The following CEACAM21 variants were observed in gnomAD, a reference collection of about 807,000 sequenced individuals.
The protein encoded by CEACAM21 is CEA cell adhesion molecule 21, also known as cell adhesion molecule CEACAM21.
A neutral mutation model predicts 33.2 loss-of-function variants in CEACAM21; 38 were observed. The observed-to-expected ratio is 1.14, with a 90% CI of 0.88 to 1.50. CEACAM21 has a LOEUF of 1.50. Ranked by LOEUF, CEACAM21 falls within the 40% of genes most tolerant of loss-of-function variation. The pLI is 0.00. For synonymous variants in CEACAM21, 156 were observed against 143.0 expected, an observed-to-expected ratio of 1.09 and a Z score of -0.65; for missense variants, 385 against 364.6, an observed-to-expected ratio of 1.06 and a Z score of -0.46.
chr19:41,567,194 G>T (rs1199364386), intron 2 of CEACAM21, among the ~76,000 whole-genome samples: 1 of 152,100 alleles, frequency 6.6e-6, no homozygotes, highest in Non-Finnish European at 1.5e-5. Flanking sequence ...TCAATTAATT[G>T]CACATTAAGT....
At chr19:41,584,032 G>A (rs1568620518) in intron 3 of CEACAM21, among the ~76,000 whole-genome samples, 2 of 152,120 alleles carry the variant, frequency 1.3e-5, no homozygotes, top group Admixed American at 1.3e-4. Flanking sequence ...ACTGCCATGG[G>A]ATGGAAAAAA....
chr19:41,578,510 C>T (rs2043125221), intron 2 of CEACAM21, among the ~76,000 whole-genome samples: 1 of 152,158 alleles, frequency 6.6e-6, no homozygotes. Flanking sequence ...CGTCACACCA[C>T]CGTGTGTCTG....
intron 1 of CEACAM21, among the ~76,000 whole-genome samples, chr19:41,560,847 T>A (rs1160546893): frequency 6.6e-6 from 1 of 152,076 alleles, no homozygotes; most frequent in Non-Finnish European, 1.5e-5. Flanking sequence ...AAAAAGAGCG[T>A]CTACAAAATG....
At chr19:41,582,669 G>A (rs1169919621) in intron 3 of CEACAM21, among the ~76,000 whole-genome samples, 1 of 152,234 alleles carries the variant, frequency 6.6e-6, no homozygotes, top group African/African-American at 2.4e-5. Context: ...ACCCTCTGAA[G>A]CCATGGCCCC....
intron 2 of CEACAM21, among the ~76,000 whole-genome samples, chr19:41,566,695 A>T (rs2122192465): frequency 6.6e-6 from 1 of 152,336 alleles, no homozygotes; most frequent in African/African-American, 2.4e-5. Context: ...TTTTCTTGTT[A>T]AAGTTTTAAA....
chr19:41,577,483 C>G lies in CEACAM21; in HGVS notation c.348C>G (p.Asp116Glu). 6.2e-7 allele frequency: 1 copy of G among 1,614,052 alleles called. No individual in the cohort carries two copies. The highest frequency in any genetic ancestry group is 8.5e-7 in the Non-Finnish European group (1 of 1,180,008). ...ATTTCCAGAACGTCACCCTAGAGGA[C>G]ACGGGATACTACAACCTACAAGTCA... is the stretch of plus-strand genomic sequence containing the variant. The part of the protein sequence containing the change: ...DLHFQNVTLE[D>E]TGYYNLQVTY... Residue 116 changes from aspartate (D) to glutamate (E), a missense_variant, in exon 2 of 7, where the codon GAC (aspartate) becomes GAG (glutamate). Physicochemically the swap from Asp to Glu is conservative, Grantham distance 45 (BLOSUM62 2). Coordinates refer to ENST00000401445, the MANE Select transcript of CEACAM21 (RefSeq NM_001098506.4).
At chr19:41,582,460 A>G (rs1159513388) in intron 3 of CEACAM21, among the ~76,000 whole-genome samples, 1 of 152,162 alleles carries the variant, frequency 6.6e-6, no homozygotes, top group East Asian at 1.9e-4. Context: ...CGGGGTTCCA[A>G]CCCCACATTT....
At chr19:41,553,109 C>T (rs1396380213) in intron 1 of CEACAM21, among the ~76,000 whole-genome samples, 14 of 151,974 alleles carry the variant, frequency 9.2e-5, no homozygotes, top group Admixed American at 7.9e-4. Flanking sequence ...TAACTTCCCT[C>T]TCTCCAGTTA....
chr19:41,559,703 G>A (rs1328978105), intron 1 of CEACAM21, among the ~76,000 whole-genome samples: 2 of 152,188 alleles, frequency 1.3e-5, no homozygotes, highest in Non-Finnish European at 2.9e-5. Context: ...AATGGCAACA[G>A]TTACAGACAA....
chr19:41,556,584 T>C (rs149444384), intron 1 of CEACAM21, among the ~76,000 whole-genome samples: 9 of 152,250 alleles, frequency 5.9e-5, no homozygotes, highest in Non-Finnish European at 1.2e-4. Flanking sequence ...ATTTCCACTC[T>C]TTAAACTTTT....
At chr19:41,580,320 T>A (rs551813457) in intron 3 of CEACAM21, among the ~76,000 whole-genome samples, 1 of 146,928 alleles carries the variant, frequency 6.8e-6, no homozygotes, top group African/African-American at 2.5e-5. Context: ...TGGGGGGGGG[T>A]TTCTCCCACA....
At chr19:41,551,592 G>A (rs970067223) in intron 1 of CEACAM21, 4 of 152,354 alleles carry the variant, frequency 2.6e-5, no homozygotes, top group Non-Finnish European at 5.9e-5. Context: ...GAGAGGCTGA[G>A]GGCCATGAGC....
chr19:41,568,214 C>T lies in CEACAM21; in HGVS notation c.-404+3158C>T, dbSNP rs573464651. ...ATGTATATATTTACAAATATATTCT[C>T]CTCCCATTTGTAGGTTGTCTCTTTG... is the stretch of plus-strand genomic sequence containing the variant. On this transcript the variant is annotated intron_variant, in intron 2 of 7. Transcript: ENST00000407170. Among the ~76,000 whole-genome samples the T allele has an allele frequency of 2.6e-4, 40 of 152,006 alleles. No homozygotes were observed. The South Asian group carries it at 7.9e-3, about 30-fold the overall frequency.
intron 1 of CEACAM21, among the ~76,000 whole-genome samples, chr19:41,576,802 G>T (rs2042981033): frequency 6.6e-6 from 1 of 152,142 alleles, no homozygotes; most frequent in Non-Finnish European, 1.5e-5. Flanking sequence ...TCTCATGGGG[G>T]GGAAGACAGA....
chr19:41,560,114 A>G (rs2041790062), intron 1 of CEACAM21, among the ~76,000 whole-genome samples: 1 of 152,232 alleles, frequency 6.6e-6, no homozygotes, highest in Admixed American at 6.5e-5. Flanking sequence ...TATTTTACAG[A>G]GTTCTCCCAT....
chr19:41,581,106 G>T (rs2043342219), intron 3 of CEACAM21, among the ~76,000 whole-genome samples: 1 of 152,230 alleles, frequency 6.6e-6, no homozygotes, highest in Non-Finnish European at 1.5e-5. Flanking sequence ...AATCTCTGCA[G>T]CACTGTAACA....
intron 3 of CEACAM21, among the ~76,000 whole-genome samples, chr19:41,584,033 A>T (rs564165428): frequency 1.6e-4 from 24 of 152,196 alleles, no homozygotes; most frequent in African/African-American, 5.1e-4. Flanking sequence ...CTGCCATGGG[A>T]TGGAAAAAAA....
At chr19:41,570,459 C>A (rs1290516394) in intron 2 of CEACAM21, among the ~76,000 whole-genome samples, 4 of 152,134 alleles carry the variant, frequency 2.6e-5, no homozygotes, top group Non-Finnish European at 5.9e-5. Flanking sequence ...CATTATCTGA[C>A]TTTATGTGAA....
intron 1 of CEACAM21, among the ~76,000 whole-genome samples, chr19:41,553,400 G>A (rs1425079541): frequency 1.3e-5 from 2 of 151,980 alleles, no homozygotes; most frequent in Non-Finnish European, 2.9e-5. Context: ...CACTGCACCC[G>A]ACCCCAGTTT....
Sources: gnomAD v4.1 joint callset for allele counts (sites outside exome capture counted in the v4.1 genomes callset) on GRCh38, gnomAD v4.1.1 for gene constraint, MANE v1.5 for transcripts, NCBI Gene and HGNC (gene_info 2026-07-23, HGNC 2026-07-21) for gene names.